SGCD: variants seen among roughly 807,000 people sequenced by gnomAD.
SGCD encodes the protein sarcoglycan delta, also known as delta-sarcoglycan.
SGCD carries 18 observed loss-of-function variants against 36.6 expected under a neutral mutation model. The ratio of observed to expected loss-of-function variants is 0.49; its 90% confidence interval spans 0.34 to 0.73. The LOEUF (loss-of-function observed/expected upper bound fraction) is 0.73, where lower values mean the gene tolerates loss of function less well. Among genes scored for constraint, SGCD ranks in the 30% least tolerant of loss-of-function variants. The pLI, the probability that SGCD is intolerant of heterozygous loss-of-function variation, is 0.01. For missense variants in SGCD, 387 were observed against 346.7 expected (o/e 1.12, Z -0.92); for synonymous variants, 133 against 130.6 (o/e 1.02, Z -0.12).
At chr5:156,328,185 T>C (rs1169736500) in intron 1 of SGCD, among the ~76,000 whole-genome samples, 1 of 152,230 alleles carries the variant, frequency 6.6e-6, no homozygotes, top group African/African-American at 2.4e-5. Context: ...GATTTTTTCC[T>C]CTCATAGGAA....
intron 1 of SGCD, among the ~76,000 whole-genome samples, chr5:155,901,932 G>A (rs938489074): frequency 3.4e-4 from 52 of 152,280 alleles, no homozygotes; most frequent in African/African-American, 1.2e-3. Context: ...CCAAAGTACA[G>A]ATTTCTCATT....
chr5:156,258,098 A>G (rs748231505), intron 3 of SGCD, among the ~76,000 whole-genome samples: 7 of 152,194 alleles, frequency 4.6e-5, no homozygotes, highest in African/African-American at 7.2e-5. Flanking sequence ...GTATGTGAAC[A>G]AAGTAAGCTT....
chr5:156,626,878 A>C (rs746728488), intron 6 of SGCD, among the ~76,000 whole-genome samples: 1 of 152,180 alleles, frequency 6.6e-6, no homozygotes, highest in African/African-American at 2.4e-5. Context: ...AGATGGACCT[A>C]TTACCCCAGG....
intron 3 of SGCD, among the ~76,000 whole-genome samples, chr5:156,504,390 G>GTATA (rs746430800): frequency 7.1e-5 from 9 of 126,484 alleles, no homozygotes; most frequent in African/African-American, 2.5e-4. Flanking sequence ...GGGTGTGTGT[G>GTATA]TGTATATATA....
At chr5:156,208,781 C>A (rs1247095688) in intron 3 of SGCD, among the ~76,000 whole-genome samples, 1 of 152,184 alleles carries the variant, frequency 6.6e-6, no homozygotes, top group East Asian at 1.9e-4. Flanking sequence ...AGTTGGTCAT[C>A]ATCAACATGG....
At chr5:156,716,603 G>A (rs963068010) in intron 7 of SGCD, among the ~76,000 whole-genome samples, 20 of 152,230 alleles carry the variant, frequency 1.3e-4, no homozygotes, top group Non-Finnish European at 4.4e-5. Context: ...TAGGCATATA[G>A]TAACCACTTC....
intron 3 of SGCD, among the ~76,000 whole-genome samples, chr5:156,498,262 CAA>C (rs34586524): frequency 3.9e-5 from 4 of 102,904 alleles, no homozygotes; most frequent in African/African-American, 6.7e-5. Context: ...ATTTCTCTTA[CAA>C]AAAAAAAAAA....
chr5:156,722,433 C>T (rs1755553861), intron 7 of SGCD, among the ~76,000 whole-genome samples: 1 of 152,192 alleles, frequency 6.6e-6, no homozygotes, highest in Admixed American at 6.5e-5. Context: ...GTCACAACTA[C>T]AATCAAAGCC....
intron 1 of SGCD, among the ~76,000 whole-genome samples, chr5:156,047,989 C>T (rs1759816404): frequency 6.6e-6 from 1 of 152,004 alleles, no homozygotes; most frequent in African/African-American, 2.4e-5. Flanking sequence ...CACCCCAAAA[C>T]AGGCCCCGGT....
intron 4 of SGCD, among the ~76,000 whole-genome samples, chr5:156,544,139 AG>A (rs771143330): frequency 6.6e-6 from 1 of 152,238 alleles, no homozygotes; most frequent in Non-Finnish European, 1.5e-5. Context: ...CCCTTAGTCT[AG>A]GTGATATTAG....
chr5:156,050,956 A>G (rs1192643033), intron 1 of SGCD, among the ~76,000 whole-genome samples: 1 of 146,398 alleles, frequency 6.8e-6, no homozygotes, highest in Non-Finnish European at 1.5e-5. Context: ...TCACATTGCT[A>G]AGTCTCTTTT....
intron 3 of SGCD, among the ~76,000 whole-genome samples, chr5:156,374,988 T>C (rs993593902): frequency 6.6e-6 from 1 of 152,220 alleles, no homozygotes; most frequent in African/African-American, 2.4e-5. Context: ...CTTCACAGTC[T>C]TTTTTGTTTT....
At chr5:156,582,821 G>GCACA (rs749556271) in intron 4 of SGCD, among the ~76,000 whole-genome samples, 61 of 150,668 alleles carry the variant, frequency 4.0e-4, no homozygotes, top group African/African-American at 1.4e-3. Flanking sequence ...ATGTGCACGC[G>GCACA]CACACACACA....
At chr5:156,006,990 G>A (rs1581038789) in intron 1 of SGCD, among the ~76,000 whole-genome samples, 2 of 151,922 alleles carry the variant, frequency 1.3e-5, no homozygotes, top group Admixed American at 1.3e-4. Context: ...TTTACATGAC[G>A]AATACTTAGC....
At chr5:155,957,971 T>G (rs557787468) in intron 1 of SGCD, among the ~76,000 whole-genome samples, 48 of 152,150 alleles carry the variant, frequency 3.2e-4, no homozygotes, top group African/African-American at 1.2e-3. Flanking sequence ...TTGTGGAAGT[T>G]CTTTTCTGAT....
chr5:155,861,138 C>G, the SGCD span, among the ~76,000 whole-genome samples: 1 of 152,166 alleles, frequency 6.6e-6, no homozygotes, highest in Non-Finnish European at 1.5e-5. Flanking sequence ...CGTGCCAAGC[C>G]TAGTGTCTGC....
chr5:155,974,349 C>T (rs900125965), intron 1 of SGCD, among the ~76,000 whole-genome samples: 16 of 152,056 alleles, frequency 1.1e-4, no homozygotes, highest in Non-Finnish European at 2.2e-4. Flanking sequence ...ACAAGAAGTT[C>T]TTGGGCTGGT....
intron 3 of SGCD, among the ~76,000 whole-genome samples, chr5:156,308,397 C>T (rs2127688870): frequency 6.6e-6 from 1 of 151,872 alleles, no homozygotes; most frequent in South Asian, 2.1e-4. Context: ...CTCCCGGGTT[C>T]ACGCCATTCT....
intron 1 of SGCD, among the ~76,000 whole-genome samples, chr5:156,069,070 G>C (rs1760443335): frequency 6.6e-6 from 1 of 152,038 alleles, no homozygotes; most frequent in African/African-American, 2.4e-5. Flanking sequence ...CCATTCTGTA[G>C]GTTGCCTGTT....
Sources: gnomAD v4.1 joint callset for allele counts (sites outside exome capture counted in the v4.1 genomes callset) on GRCh38, gnomAD v4.1.1 for gene constraint, MANE v1.5 for transcripts, NCBI Gene and HGNC (gene_info 2026-07-23, HGNC 2026-07-21) for gene names.